LRRC28: variants seen among roughly 807,000 people sequenced by gnomAD.
LRRC28 encodes leucine rich repeat containing 28.
In LRRC28, 39 loss-of-function variants were observed where a neutral mutation model predicts 45.7. The observed-to-expected ratio is 0.85, with a 90% CI of 0.66 to 1.12. The LOEUF is 1.12. Ranked by LOEUF, LRRC28 falls within the 50% of genes most tolerant of loss-of-function variation. The pLI is 0.00. For missense variants in LRRC28, 435 were observed against 438.5 expected (o/e 0.99, Z 0.07); for synonymous variants, 206 against 178.8 (o/e 1.15, Z -1.22).
intron 3 of LRRC28, among the ~76,000 whole-genome samples, chr15:99,284,279 T>C (rs1045160977): frequency 2.0e-5 from 3 of 152,162 alleles, no homozygotes; most frequent in African/African-American, 7.2e-5. Context: ...AACACTCTGT[T>C]ATCTTTTTTT....
At chr15:99,316,379 T>A (rs576837402) in intron 5 of LRRC28, among the ~76,000 whole-genome samples, 1 of 152,340 alleles carries the variant, frequency 6.6e-6, no homozygotes, top group South Asian at 2.1e-4. Context: ...ACTCTAGCAT[T>A]CTATCTGGCC....
At chr15:99,353,040 T>G (rs973495562) in intron 7 of LRRC28, among the ~76,000 whole-genome samples, 1 of 152,204 alleles carries the variant, frequency 6.6e-6, no homozygotes, top group African/African-American at 2.4e-5. Flanking sequence ...GCTTTTATTT[T>G]CAGAGCAGCA....
chr15:99,290,277 G>GA (rs2082087240), intron 5 of LRRC28, among the ~76,000 whole-genome samples: 2 of 146,394 alleles, frequency 1.4e-5, no homozygotes, highest in East Asian at 2.0e-4. Flanking sequence ...AAGAAAAAAA[G>GA]AAAAAAATGG....
chr15:99,254,027 T>C (rs2080944288), intron 1 of LRRC28, among the ~76,000 whole-genome samples: 1 of 152,264 alleles, frequency 6.6e-6, no homozygotes, highest in Non-Finnish European at 1.5e-5. Flanking sequence ...TGGAAAGCTC[T>C]TTGAATGTGT....
At chr15:99,292,678 T>C (rs990112339) in intron 5 of LRRC28, among the ~76,000 whole-genome samples, 27 of 152,218 alleles carry the variant, frequency 1.8e-4, no homozygotes, top group African/African-American at 6.3e-4. Context: ...ACAGTCTTTC[T>C]ATACCTACGA....
chr15:99,293,925 A>C (rs1157850472), intron 5 of LRRC28, among the ~76,000 whole-genome samples: 3 of 152,158 alleles, frequency 2.0e-5, no homozygotes, highest in Non-Finnish European at 4.4e-5. Context: ...TTTCATTTTC[A>C]CTTTTGAAGA....
chr15:99,302,908 T>G (rs770474473), intron 5 of LRRC28, among the ~76,000 whole-genome samples: 14 of 152,218 alleles, frequency 9.2e-5, no homozygotes, highest in Non-Finnish European at 1.9e-4. Context: ...TATTCATCAG[T>G]TGTTTATTTA....
rs924019672 is a variant in LRRC28 at position 99,285,764 on chromosome 15, A to G, written c.210-1493A>G. ...ATTTGGACATTTTAACGTCTTTTTTATAGGTGGAACTTGAATTGAGGCAAG... is the reference window on the plus strand; with the variant it reads ...ATTTGGACATTTTAACGTCTTTTTTGTAGGTGGAACTTGAATTGAGGCAAG... On this transcript the variant is annotated intron_variant, in intron 3 of 9. Transcript: ENST00000301981. 1.9e-5 allele frequency: 10 copies of G among 520,792 alleles called. No individual in the cohort carries two copies. The Admixed American group carries it at 2.0e-4, about 11-fold the overall frequency. 32.3% of individuals were successfully genotyped at this position (520,792 alleles called of 1,614,324 possible). A position where few individuals can be genotyped will look rare whatever the true frequency, so the allele number is the denominator to read the frequency against.
At chr15:99,278,596 A>G (rs1255732258) in intron 3 of LRRC28, among the ~76,000 whole-genome samples, 1 of 152,206 alleles carries the variant, frequency 6.6e-6, no homozygotes, top group African/African-American at 2.4e-5. Context: ...TTTCCCCATT[A>G]AGAAAGATGC....
At chr15:99,300,697 G>T (rs544914337) in intron 5 of LRRC28, among the ~76,000 whole-genome samples, 1 of 152,104 alleles carries the variant, frequency 6.6e-6, no homozygotes, top group African/African-American at 2.4e-5. Flanking sequence ...GTGATGGTGT[G>T]CACCTGTAAT....
chr15:99,320,674 A>T (rs1048564340), intron 5 of LRRC28: 1 of 152,212 alleles, frequency 6.6e-6, no homozygotes, highest in African/African-American at 2.4e-5. Flanking sequence ...TCACCCCTTC[A>T]GACTTACTGG....
chr15:99,329,763 G>A (rs12591991), intron 5 of LRRC28, among the ~76,000 whole-genome samples: 14,338 of 152,154 alleles, frequency 0.094, 957 homozygotes, highest in East Asian at 0.3. Context: ...CATTGATCTC[G>A]TCAGAAGACT....
At chr15:99,354,151 T>G (rs1053605579) in intron 7 of LRRC28, among the ~76,000 whole-genome samples, 4 of 152,198 alleles carry the variant, frequency 2.6e-5, no homozygotes, top group Admixed American at 2.6e-4. Context: ...CTAAAGGCAT[T>G]TTTAGCCTGT....
intron 5 of LRRC28, among the ~76,000 whole-genome samples, chr15:99,325,196 T>C (rs1955932841): frequency 6.6e-6 from 1 of 152,248 alleles, no homozygotes; most frequent in Non-Finnish European, 1.5e-5. Context: ...GGTGCTGTTG[T>C]GAATGGAATT....
chr15:99,386,690 T>G lies in LRRC28; in HGVS notation c.*588T>G, dbSNP rs116540949. On this transcript the variant is annotated 3_prime_UTR_variant, in exon 10 of 10. Transcript: ENST00000301981. Reference sequence around the variant, plus strand: ...CCAGAGCACACACCCTCTGGAAAGTTCCAGCCTTGTTTATACGTTCTACAG... The same window carrying G: ...CCAGAGCACACACCCTCTGGAAAGTGCCAGCCTTGTTTATACGTTCTACAG... The G allele has an allele frequency of 2.5e-3, 387 of 152,420 alleles. No individual in the cohort carries two copies. Among genetic ancestry groups the G allele is most frequent in the African/African-American group, 8.6e-3 (357 of 41,556 alleles). 9.4% of individuals were successfully genotyped at this position (152,420 alleles called of 1,614,324 possible).
chr15:99,363,197 T>C lies in LRRC28; in HGVS notation c.963T>C (p.Pro321=). ...GGCACTGTCATCGGTGTAGTGAGCC[T>C]ATGTTTACCATCGTCTACCCCAAGC... The part of the protein sequence containing the change: ...PLGHCHRCSE[P]MFTIVYPKLF... Residue 321 remains proline, a synonymous_variant, in exon 9 of 10, where the codon CCT becomes CCC. Transcript: ENST00000301981. 1.2e-6 allele frequency: 2 copies of C among 1,614,076 alleles called. No homozygotes were observed. The highest frequency in any genetic ancestry group is 1.7e-6 in the Non-Finnish European group (2 of 1,179,926).
intron 2 of LRRC28, among the ~76,000 whole-genome samples, chr15:99,268,514 T>A (rs1268102816): frequency 6.6e-6 from 1 of 152,172 alleles, no homozygotes; most frequent in Non-Finnish European, 1.5e-5. Context: ...AAGTTTAAAT[T>A]CATTTTTCAG....
At chr15:99,372,766 G>C (rs182077466) in intron 9 of LRRC28, among the ~76,000 whole-genome samples, 1 of 152,092 alleles carries the variant, frequency 6.6e-6, no homozygotes. Flanking sequence ...GTTTTAGTCC[G>C]TTCTTATGCT....
rs150198599 is a variant in LRRC28 at position 99,324,558 on chromosome 15, T to C, written c.386-9365T>C. Among the ~76,000 whole-genome samples the C allele has an allele frequency of 4.0e-4, 61 of 152,326 alleles. No individual in the cohort carries two copies. In the East Asian group the frequency reaches 8.1e-3, roughly 20 times the overall value. On this transcript the variant is annotated intron_variant, in intron 5 of 9. Transcript: ENST00000301981. ...CCATTTAAATTTTAGGTTAGGTCAT[T>C]GTGCATCAGCACAGAACTATGATTT... is the stretch of plus-strand genomic sequence containing the variant.
Sources: gnomAD v4.1 joint callset for allele counts (sites outside exome capture counted in the v4.1 genomes callset) on GRCh38, gnomAD v4.1.1 for gene constraint, MANE v1.5 for transcripts, NCBI Gene and HGNC (gene_info 2026-07-23, HGNC 2026-07-21) for gene names.